The following PCDHGA7 variants were observed in gnomAD, a reference collection of about 807,000 sequenced individuals.
PCDHGA7 encodes protocadherin gamma subfamily A, 7, also known as protocadherin gamma-A7.
PCDHGA7 carries 44 observed loss-of-function variants against 58.3 expected under a neutral mutation model. The observed-to-expected ratio is 0.75, with a 90% CI of 0.59 to 0.97. PCDHGA7 has a LOEUF of 0.97. PCDHGA7 is among the 50% of genes least tolerant of loss of function. The pLI, the probability that PCDHGA7 is intolerant of heterozygous loss-of-function variation, is 0.00. For synonymous variants in PCDHGA7, 516 were observed against 504.2 expected (o/e 1.02, Z -0.31); for missense variants, 1,266 against 1,188.7 (o/e 1.06, Z -0.96).
intron 1 of PCDHGA7, among the ~76,000 whole-genome samples, chr5:141,470,014 A>G (rs1394478856): frequency 6.6e-6 from 1 of 152,200 alleles, no homozygotes; most frequent in Non-Finnish European, 1.5e-5. Flanking sequence ...CTGTAATCCC[A>G]GCTACTCGGG....
At position 141,490,521 on chromosome 5, in the gene PCDHGA7, C is replaced by T. The variant is rs146064810; in HGVS notation, c.2425-4286C>T. The stretch of plus-strand genomic sequence containing the variant: ...ACTATATCATCGAGCTGCTGGCCAG[C>T]GATGCTGGTTCACCTTCCCTACACA... On this transcript the variant is annotated intron_variant, in intron 1 of 3. Coordinates refer to ENST00000518325, the MANE Select transcript of PCDHGA7 (RefSeq NM_018920.4). This position sits in a 1 kb window ranked among gnomAD's most constrained non-coding sequence, Gnocchi z 5.4. The T allele has an allele frequency of 1.0e-4, 166 of 1,614,058 alleles. No individual in the cohort carries two copies. In the African/African-American group the frequency reaches 1.7e-3, roughly 16 times the overall value.
Position 141,448,073 on chromosome 5 carries a change from C to T in PCDHGA7, c.2425-46734C>T, listed in dbSNP as rs1025112556. ...TGCTCTCCAGCCTGGGCAACATGAA[C>T]GAAATGCCATCTTAAAAAAAAAAAA... On this transcript the variant is annotated intron_variant, in intron 1 of 3. Coordinates refer to ENST00000518325, the MANE Select transcript of PCDHGA7 (RefSeq NM_018920.4). 3.3e-5 allele frequency among the ~76,000 whole-genome samples: 5 copies of T among 151,432 alleles called. No individual in the cohort carries two copies. In the East Asian group the frequency reaches 5.8e-4, roughly 18 times the overall value.
At chr5:141,435,214 A>C (rs1314928643) in intron 1 of PCDHGA7, among the ~76,000 whole-genome samples, 1 of 152,176 alleles carries the variant, frequency 6.6e-6, no homozygotes, top group Non-Finnish European at 1.5e-5. Flanking sequence ...AAGTGAATTT[A>C]CTTTCTTTCA....
At position 141,499,027 on chromosome 5, in the gene PCDHGA7, A is replaced by AG. The variant is rs1323149397; in HGVS notation, c.2483+4163dup. 7.4e-3 allele frequency among the ~76,000 whole-genome samples: 1,116 copies of AG among 149,928 alleles called. 12 individuals are homozygous for AG. Among genetic ancestry groups the AG allele is most frequent in the African/African-American group, 0.026 (1,074 of 40,604 alleles). On this transcript the variant is annotated intron_variant, in intron 2 of 3. Transcript: ENST00000518325. ...AAGGAAGGAAGGAAGGAAGGAAGGA[A>AG]GAAAAGAAAGAAAAAGGGAGAAAAA...
intron 1 of PCDHGA7, among the ~76,000 whole-genome samples, chr5:141,406,034 A>T (rs1438349168): frequency 6.7e-6 from 1 of 149,160 alleles, no homozygotes; most frequent in Non-Finnish European, 1.5e-5. Flanking sequence ...GGGTTGCTTC[A>T]TTGGTTGCAG....
At position 141,401,132 on chromosome 5, in the gene PCDHGA7, A is replaced by G. The variant is rs534048041; in HGVS notation, c.2424+15809A>G. Among the ~76,000 whole-genome samples, 4 of 152,344 alleles carry G rather than the reference A, an allele frequency of 2.6e-5. No homozygotes were observed. In the South Asian group the frequency reaches 8.3e-4, roughly 32 times the overall value. ...GCCGAGGCGGTTGGATCACATGGTCAGGAGTTCAAGACCAGCCTGGGCAAT... is the reference window on the plus strand; with the variant it reads ...GCCGAGGCGGTTGGATCACATGGTCGGGAGTTCAAGACCAGCCTGGGCAAT... On this transcript the variant is annotated intron_variant, in intron 1 of 3. Coordinates refer to ENST00000518325, the MANE Select transcript of PCDHGA7 (RefSeq NM_018920.4).
chr5:141,455,924 G>A (rs2098837630), intron 1 of PCDHGA7, among the ~76,000 whole-genome samples: 1 of 149,978 alleles, frequency 6.7e-6, no homozygotes. Flanking sequence ...TTGAGACGGA[G>A]TCTCGCTCTG....
intron 1 of PCDHGA7, chr5:141,475,820 C>G (rs890721743): frequency 1.1e-5 from 4 of 351,810 alleles, no homozygotes; most frequent in Non-Finnish European, 1.5e-5. Context: ...AAGTTCCTGG[C>G]GCTAGCGCGT....
At chr5:141,399,632 C>A in intron 1 of PCDHGA7, 2 of 1,613,894 alleles carry the variant, frequency 1.2e-6, no homozygotes, top group Non-Finnish European at 1.7e-6. Context: ...TCTTACGTGT[C>A]CATGAGCGCG....
Position 141,431,154 on chromosome 5 carries a change from A to G in PCDHGA7, c.2424+45831A>G, listed in dbSNP as rs754200786. ...AGGGACATTAACGACAATGCGCCTT[A>G]CTTTCGTGAAAGTGAATTAGAAATA... On this transcript the variant is annotated intron_variant, in intron 1 of 3. Coordinates refer to ENST00000518325, the MANE Select transcript of PCDHGA7 (RefSeq NM_018920.4). The surrounding 1 kb of genome is among the most constrained non-coding windows in gnomAD (Gnocchi z 4.8). 1.1e-5 allele frequency: 18 copies of G among 1,614,136 alleles called. No homozygotes were observed. In the East Asian group the frequency reaches 4.0e-4, roughly 36 times the overall value.
At chr5:141,426,667 A>G in intron 1 of PCDHGA7, 2 of 430,860 alleles carry the variant, frequency 4.6e-6, no homozygotes, top group Non-Finnish European at 9.5e-6. Context: ...ATAAATGATA[A>G]CCCACCTCAT....
intron 1 of PCDHGA7, among the ~76,000 whole-genome samples, chr5:141,448,180 G>C (rs961721974): frequency 1.3e-5 from 2 of 151,998 alleles, no homozygotes; most frequent in African/African-American, 2.4e-5. Flanking sequence ...TTCATCCCTG[G>C]TTATGTACAC....
At chr5:141,501,997 C>A (rs2099812238) in intron 2 of PCDHGA7, among the ~76,000 whole-genome samples, 1 of 152,128 alleles carries the variant, frequency 6.6e-6, no homozygotes, top group Non-Finnish European at 1.5e-5. Context: ...GTCTCCCTGA[C>A]AACCCGCATG....
intron 1 of PCDHGA7, among the ~76,000 whole-genome samples, chr5:141,468,759 G>A (rs1202810666): frequency 3.9e-5 from 6 of 151,990 alleles, no homozygotes; most frequent in Admixed American, 2.0e-4. Context: ...CCAGCTACTC[G>A]GGAGGCTGAG....
chr5:141,432,632 G>A lies in PCDHGA7; in HGVS notation c.2424+47309G>A. 3.7e-6 allele frequency: 6 copies of A among 1,612,834 alleles called. No individual in the cohort carries two copies. The highest frequency in any genetic ancestry group is 5.1e-6 in the Non-Finnish European group (6 of 1,179,706). On this transcript the variant is annotated intron_variant, in intron 1 of 3. Coordinates refer to ENST00000518325, the MANE Select transcript of PCDHGA7 (RefSeq NM_018920.4). The surrounding 1 kb of genome is among the most constrained non-coding windows in gnomAD (Gnocchi z 6.0). ...CTTCTCGGTGGGTCTGCACACGGGC[G>A]AGGTGCGCACGGCGCGAGCCCTGCT...
At chr5:141,399,454 G>A in intron 1 of PCDHGA7, 1 of 1,613,992 alleles carries the variant, frequency 6.2e-7, no homozygotes. Flanking sequence ...AGACGTCAAC[G>A]ATAACGCTCC....
At chr5:141,422,281 T>C in intron 1 of PCDHGA7, 1 of 1,557,044 alleles carries the variant, frequency 6.4e-7, no homozygotes, top group Middle Eastern at 1.7e-4. Context: ...AACTATCACC[T>C]CTTCTATTAA....
chr5:141,501,162 C>T (rs922957843), intron 2 of PCDHGA7, among the ~76,000 whole-genome samples: 1 of 152,134 alleles, frequency 6.6e-6, no homozygotes, highest in Non-Finnish European at 1.5e-5. Context: ...CCACCATCCC[C>T]AGCCTCATTT....
At chr5:141,388,414 A>G in intron 1 of PCDHGA7, 2 of 1,613,970 alleles carry the variant, frequency 1.2e-6, no homozygotes, top group Non-Finnish European at 1.7e-6. Context: ...CCCAGTGATC[A>G]TTTCTCACTG....
Sources: gnomAD v4.1 joint callset for allele counts (sites outside exome capture counted in the v4.1 genomes callset) on GRCh38, gnomAD v4.1.1 for gene constraint, Gnocchi (gnomAD v3.1) non-coding constraint, MANE v1.5 for transcripts, NCBI Gene and HGNC (gene_info 2026-07-23, HGNC 2026-07-21) for gene names.